The following SUGCT variants were observed in gnomAD, a reference collection of about 807,000 sequenced individuals.
SUGCT encodes succinyl-CoA:glutarate CoA-transferase.
A neutral mutation model predicts 55.0 loss-of-function variants in SUGCT; 41 were observed. The ratio of observed to expected loss-of-function variants is 0.74; its 90% CI spans 0.58 to 0.97. The LOEUF is 0.97. Ranked by LOEUF, SUGCT falls within the 50% of genes least tolerant of loss-of-function variation. The pLI, the probability that SUGCT is intolerant of heterozygous loss-of-function variation, is 0.00. For synonymous variants in SUGCT, 187 were observed against 200.4 expected (o/e 0.93, Z 0.56); for missense variants, 568 against 547.8 (o/e 1.04, Z -0.37).
chr7:40,139,706 T>C (rs1224744671), intron 1 of SUGCT, among the ~76,000 whole-genome samples: 2 of 152,224 alleles, frequency 1.3e-5, no homozygotes, highest in Non-Finnish European at 2.9e-5. Context: ...TGATCATTTC[T>C]TTTGCTATGC....
At chr7:40,816,960 A>G (rs1277125483) in intron 13 of SUGCT, among the ~76,000 whole-genome samples, 1 of 152,236 alleles carries the variant, frequency 6.6e-6, no homozygotes, top group Admixed American at 6.5e-5. Context: ...GAAAGAGTAT[A>G]AGAAGATGAT....
chr7:40,251,019 G>C (rs1305768832), intron 7 of SUGCT, among the ~76,000 whole-genome samples: 1 of 151,640 alleles, frequency 6.6e-6, no homozygotes, highest in Non-Finnish European at 1.5e-5. Context: ...TAGTGGAGAC[G>C]GGGGTTTCAC....
At chr7:40,313,998 G>A (rs971157766) in intron 8 of SUGCT, among the ~76,000 whole-genome samples, 3 of 152,130 alleles carry the variant, frequency 2.0e-5, no homozygotes, top group Non-Finnish European at 4.4e-5. Context: ...AACTACCACT[G>A]TATGGAGGAG....
At chr7:40,141,494 C>T (rs893746326) in intron 1 of SUGCT, among the ~76,000 whole-genome samples, 11 of 151,866 alleles carry the variant, frequency 7.2e-5, no homozygotes, top group Non-Finnish European at 1.6e-4. Context: ...AATAGTCAGG[C>T]GTGGTGGTGG....
intron 12 of SUGCT, among the ~76,000 whole-genome samples, chr7:40,505,551 T>C (rs1192776111): frequency 6.6e-6 from 1 of 152,134 alleles, no homozygotes; most frequent in Admixed American, 6.5e-5. Context: ...ATCTAAGCCT[T>C]GTAATATGCA....
At chr7:40,374,201 A>G (rs1328734203) in intron 9 of SUGCT, among the ~76,000 whole-genome samples, 1 of 152,170 alleles carries the variant, frequency 6.6e-6, no homozygotes, top group Non-Finnish European at 1.5e-5. Flanking sequence ...GCCTTGAGCA[A>G]TAGCTATTTC....
chr7:40,638,234 C>T (rs1281238168), intron 12 of SUGCT, among the ~76,000 whole-genome samples: 1 of 152,142 alleles, frequency 6.6e-6, no homozygotes, highest in Non-Finnish European at 1.5e-5. Context: ...TGTTGTAAAA[C>T]ATAGGCAATT....
intron 12 of SUGCT, among the ~76,000 whole-genome samples, chr7:40,527,957 T>G (rs1262570911): frequency 6.6e-6 from 1 of 152,218 alleles, no homozygotes; most frequent in Non-Finnish European, 1.5e-5. Context: ...TGCCCTTGCA[T>G]TTCCTTTACC....
At chr7:40,517,639 C>T (rs1272507447) in intron 12 of SUGCT, among the ~76,000 whole-genome samples, 2 of 151,902 alleles carry the variant, frequency 1.3e-5, no homozygotes, top group Non-Finnish European at 2.9e-5. Context: ...ATATTTGGGC[C>T]TAGTATTGAT....
At chr7:40,340,761 T>C (rs1472400342) in intron 9 of SUGCT, among the ~76,000 whole-genome samples, 1 of 152,206 alleles carries the variant, frequency 6.6e-6, no homozygotes. Context: ...AAAGCGTTTT[T>C]ATACATGAAA....
chr7:40,516,492 CTA>C (rs1344332393), intron 12 of SUGCT, among the ~76,000 whole-genome samples: 1 of 152,084 alleles, frequency 6.6e-6, no homozygotes, highest in East Asian at 1.9e-4. Context: ...AGTCAAGTCT[CTA>C]GTCCATTTTG....
At position 40,386,468 on chromosome 7, in the gene SUGCT, A is replaced by G. The variant is rs139050547; in HGVS notation, c.817-62819A>G. ...TAAGACCCTTGAGTTTTTAGTTCAA[A>G]TTAGTTTGCTAATTTCCTAATTTGT... On this transcript the variant is annotated intron_variant, in intron 9 of 13. Transcript: ENST00000335693. Among the ~76,000 whole-genome samples the G allele has an allele frequency of 5.7e-4, 87 of 152,308 alleles. 2 individuals carry two copies. In the East Asian group the frequency reaches 9.6e-3, roughly 17 times the overall value.
intron 13 of SUGCT, among the ~76,000 whole-genome samples, chr7:40,795,902 C>A (rs1010712194): frequency 1.3e-5 from 2 of 152,082 alleles, no homozygotes. Flanking sequence ...TGAGAGAATG[C>A]AGCATATGAA....
At chr7:40,739,248 C>T (rs1435167115) in intron 12 of SUGCT, among the ~76,000 whole-genome samples, 1 of 152,156 alleles carries the variant, frequency 6.6e-6, no homozygotes, top group East Asian at 1.9e-4. Flanking sequence ...CCCTTCCCTC[C>T]ACTCCCATTT....
chr7:40,950,771 G>A, the SUGCT span, among the ~76,000 whole-genome samples: 22 of 152,234 alleles, frequency 1.4e-4, no homozygotes, highest in East Asian at 7.7e-4. Context: ...ATTGATTTGC[G>A]TATGTTGAAA....
chr7:40,807,489 C>T (rs897951101), intron 13 of SUGCT, among the ~76,000 whole-genome samples: 2 of 152,080 alleles, frequency 1.3e-5, no homozygotes, highest in African/African-American at 4.8e-5. Flanking sequence ...TGAAAGTGTC[C>T]AAGGCCTAGG....
chr7:40,952,164 T>G, the SUGCT span, among the ~76,000 whole-genome samples: 6,097 of 152,296 alleles, frequency 0.04, 139 homozygotes, highest in South Asian at 0.073. Context: ...ATATTTAGTA[T>G]AGTTAGCTCT....
chr7:40,524,116 C>T (rs777722654), intron 12 of SUGCT, among the ~76,000 whole-genome samples: 4 of 152,048 alleles, frequency 2.6e-5, no homozygotes, highest in African/African-American at 4.8e-5. Context: ...TGCACATTTA[C>T]TTTACCCTTG....
chr7:40,415,301 T>C lies in SUGCT; in HGVS notation c.817-33986T>C, dbSNP rs377426683. 1.6e-4 allele frequency among the ~76,000 whole-genome samples: 24 copies of C among 150,082 alleles called. No individual in the cohort carries two copies. In the South Asian group the frequency reaches 4.8e-3, roughly 30 times the overall value. Reference sequence around the variant, plus strand: ...AAAAAAAAAAAATTTGGCCACATAATGTGTAAAAAAAATGCATAGCAATGC... The same window carrying C: ...AAAAAAAAAAAATTTGGCCACATAACGTGTAAAAAAAATGCATAGCAATGC... On this transcript the variant is annotated intron_variant, in intron 9 of 13. Coordinates refer to ENST00000335693, the MANE Select transcript of SUGCT (RefSeq NM_001193313.2).
Sources: gnomAD v4.1 joint callset for allele counts (sites outside exome capture counted in the v4.1 genomes callset) on GRCh38, gnomAD v4.1.1 for gene constraint, MANE v1.5 for transcripts, NCBI Gene and HGNC (gene_info 2026-07-23, HGNC 2026-07-21) for gene names.